INSR: variants seen among roughly 807,000 people sequenced by gnomAD.
INSR encodes insulin receptor.
A neutral mutation model predicts 142.6 loss-of-function variants in INSR; 67 were observed. The ratio of observed to expected loss-of-function variants is 0.47; its 90% CI spans 0.39 to 0.58. The LOEUF is 0.58. Among genes scored for constraint, INSR ranks in the 20% least tolerant of loss-of-function variants. INSR has a pLI of 0.00. For missense variants in INSR, 1,248 were observed against 1,833.2 expected, an observed-to-expected ratio of 0.68 and a Z score of 5.83; for synonymous variants, 756 against 743.1, an observed-to-expected ratio of 1.02 and a Z score of -0.28.
chr19:7,173,018 T>G (rs1974054849), intron 4 of INSR, among the ~76,000 whole-genome samples: 2 of 152,298 alleles, frequency 1.3e-5, no homozygotes, highest in Admixed American at 6.5e-5. Flanking sequence ...CATGGGTCTA[T>G]GGCTGTTTTC....
intron 2 of INSR, among the ~76,000 whole-genome samples, chr19:7,250,454 A>G (rs553672834): frequency 0.058 from 5,043 of 86,638 alleles, 209 homozygotes; most frequent in East Asian, 0.15. Context: ...AGAAGAAAGA[A>G]AAGGAAGAAA....
Position 7,166,924 on chromosome 19 carries a change from CATAAATAAATAA to C in INSR, c.1611-532_1611-521del, listed in dbSNP as rs74174870. ...ACAAAGGGAGACTCTGTTTCAAAAA[CATAAATAAATAA>C]ATAAATAAATAAATGCTTGGGACCA... On this transcript the variant is annotated intron_variant, in intron 7 of 21. Coordinates refer to ENST00000302850, the MANE Select transcript of INSR (RefSeq NM_000208.4). This position sits in a 1 kb window ranked among gnomAD's most constrained non-coding sequence, Gnocchi z 4.1. 7.0e-5 allele frequency among the ~76,000 whole-genome samples: 9 copies of C among 128,070 alleles called. No individual in the cohort carries two copies. The East Asian group carries it at 2.1e-3, about 30-fold the overall frequency. 84.0% of individuals were successfully genotyped at this position (128,070 alleles called of 152,430 possible).
In INSR at chr19:7,294,232, G is replaced by A. The variant is rs2145266122; in HGVS notation, c.-341C>T. Among the ~76,000 whole-genome samples, 1 of 150,142 alleles carries A rather than the reference G, an allele frequency of 6.7e-6. No individual in the cohort carries two copies. Among genetic ancestry groups the A allele is most frequent in the South Asian group, 2.1e-4 (1 of 4,762 alleles). On this transcript the variant is annotated 5_prime_UTR_variant, in exon 1 of 22. Coordinates refer to ENST00000302850, the MANE Select transcript of INSR (RefSeq NM_000208.4). Reference sequence around the variant, plus strand: ...CGGCTCTCGGCCCCGCGCGCTCTGGGTCGCGATCTGCGGGCTCCGGGACAG... The same window carrying A: ...CGGCTCTCGGCCCCGCGCGCTCTGGATCGCGATCTGCGGGCTCCGGGACAG...
intron 2 of INSR, among the ~76,000 whole-genome samples, chr19:7,199,221 G>C (rs1440339822): frequency 6.6e-6 from 1 of 152,010 alleles, no homozygotes; most frequent in Non-Finnish European, 1.5e-5. Context: ...CCATCAATGA[G>C]GTCATATTAA....
intron 1 of INSR, among the ~76,000 whole-genome samples, chr19:7,284,065 T>G (rs948134939): frequency 1.4e-5 from 2 of 142,906 alleles, no homozygotes; most frequent in Non-Finnish European, 2.9e-5. Context: ...AGTTTTTTTG[T>G]TTTTTTGGGT....
At chr19:7,280,906 A>G (rs187469579) in intron 1 of INSR, among the ~76,000 whole-genome samples, 3 of 152,162 alleles carry the variant, frequency 2.0e-5, no homozygotes, top group Admixed American at 2.0e-4. Context: ...TCCAAAAAAA[A>G]AGAAAAAAGA....
At chr19:7,129,832 G>A (rs1972734231) in intron 14 of INSR, among the ~76,000 whole-genome samples, 1 of 151,804 alleles carries the variant, frequency 6.6e-6, no homozygotes, top group African/African-American at 2.4e-5. Context: ...CAAATTCCTG[G>A]GCCCAAGTGA....
At chr19:7,127,256 C>T (rs1238433006) in intron 15 of INSR, among the ~76,000 whole-genome samples, 1 of 152,116 alleles carries the variant, frequency 6.6e-6, no homozygotes, top group Non-Finnish European at 1.5e-5. Flanking sequence ...GCCACTCACC[C>T]AGTACTGTTC....
chr19:7,212,519 G>A (rs1233496323), intron 2 of INSR, among the ~76,000 whole-genome samples: 1 of 152,212 alleles, frequency 6.6e-6, no homozygotes, highest in Non-Finnish European at 1.5e-5. Flanking sequence ...CGTGGACCTT[G>A]ACCTCATGGT....
Position 7,168,451 on chromosome 19 carries a change from T to G in INSR, c.1484-357A>C, listed in dbSNP as rs1483310880. ...TCCTGACACAACGTTGTCTCGCATA[T>G]GGACTTGTAAGACTGACCTGGAAGG... On this transcript the variant is annotated intron_variant, in intron 6 of 21. Coordinates refer to ENST00000302850, the MANE Select transcript of INSR (RefSeq NM_000208.4). The surrounding 1 kb of genome is among the most constrained non-coding windows in gnomAD (Gnocchi z 4.3). Among the ~76,000 whole-genome samples, 1 of 152,196 alleles carries G rather than the reference T, an allele frequency of 6.6e-6. No homozygotes were observed. The highest frequency in any genetic ancestry group is 1.5e-5 in the Non-Finnish European group (1 of 68,026).
intron 2 of INSR, among the ~76,000 whole-genome samples, chr19:7,197,462 G>C (rs938169869): frequency 2.6e-5 from 4 of 152,006 alleles, no homozygotes; most frequent in African/African-American, 9.7e-5. Flanking sequence ...GGGGTCCCAG[G>C]GGTCTCCTCG....
At chr19:7,248,753 A>AGTTTTTTTTTTTTTTT (rs1457381084) in intron 2 of INSR, among the ~76,000 whole-genome samples, 1 of 60,680 alleles carries the variant, frequency 1.6e-5, no homozygotes, top group Admixed American at 2.6e-4. Flanking sequence ...GGTTGGCCAG[A>AGTTTTTTTTTTTTTTT]ATTTTTTTTT....
chr19:7,262,621 C>G (rs1977098930), intron 2 of INSR, among the ~76,000 whole-genome samples: 1 of 152,224 alleles, frequency 6.6e-6, no homozygotes. Context: ...GATGAATACA[C>G]AGGCAAAATG....
At chr19:7,171,917 C>CTTTT (rs375076576) in intron 5 of INSR, among the ~76,000 whole-genome samples, 1 of 137,588 alleles carries the variant, frequency 7.3e-6, no homozygotes, top group African/African-American at 2.7e-5. Flanking sequence ...CTTTTCTTTT[C>CTTTT]TTTTTTTTTT....
At chr19:7,162,786 C>G (rs1227765189) in intron 9 of INSR, among the ~76,000 whole-genome samples, 1 of 152,036 alleles carries the variant, frequency 6.6e-6, no homozygotes, top group Admixed American at 6.6e-5. Context: ...CGTCATTGCA[C>G]TCCAGCCTGG....
In INSR at chr19:7,166,112, G is replaced by A. The variant is rs1568459382; in HGVS notation, c.1861+42C>T. ...TGCATCAGCCTATTAAAAGCAAGAG[G>A]TCTGATTCACATACGAATTCACATT... On this transcript the variant is annotated intron_variant, in intron 8 of 21. Coordinates refer to ENST00000302850, the MANE Select transcript of INSR (RefSeq NM_000208.4). This position sits in a 1 kb window ranked among gnomAD's most constrained non-coding sequence, Gnocchi z 4.1. The A allele has an allele frequency of 6.2e-7, 1 of 1,612,100 alleles. No individual in the cohort carries two copies.
intron 2 of INSR, among the ~76,000 whole-genome samples, chr19:7,250,913 T>C (rs1439542484): frequency 1.3e-5 from 2 of 150,896 alleles, no homozygotes; most frequent in Admixed American, 6.6e-5. Context: ...TCAGCAACAC[T>C]CAGACTGGGG....
At chr19:7,230,580 G>A (rs944220448) in intron 2 of INSR, among the ~76,000 whole-genome samples, 4 of 152,144 alleles carry the variant, frequency 2.6e-5, no homozygotes, top group Admixed American at 6.5e-5. Flanking sequence ...GCCAAGGCAG[G>A]TGGATCACCT....
At chr19:7,214,147 C>T (rs553243050) in intron 2 of INSR, among the ~76,000 whole-genome samples, 16 of 152,212 alleles carry the variant, frequency 1.1e-4, no homozygotes, top group Admixed American at 2.0e-4. Context: ...TGTGATTAAA[C>T]GCCTTACTCA....
Sources: gnomAD v4.1 joint callset for allele counts (sites outside exome capture counted in the v4.1 genomes callset) on GRCh38, gnomAD v4.1.1 for gene constraint, Gnocchi (gnomAD v3.1) non-coding constraint, MANE v1.5 for transcripts, NCBI Gene and HGNC (gene_info 2026-07-23, HGNC 2026-07-21) for gene names.